SPATA13: variants seen among roughly 807,000 people sequenced by gnomAD.
The protein encoded by SPATA13 is spermatogenesis-associated protein 13.
SPATA13 carries 50 observed loss-of-function variants against 104.0 expected under a neutral mutation model. The observed-to-expected ratio is 0.48, with a 90% CI of 0.38 to 0.61. SPATA13 has a LOEUF of 0.61. SPATA13 is among the 20% of genes least tolerant of loss of function. The pLI is 0.00. For synonymous variants in SPATA13, 606 were observed against 667.5 expected (o/e 0.91, Z 1.42); for missense variants, 1,524 against 1,690.6 (o/e 0.90, Z 1.73).
At chr13:24,064,344 G>A (rs1878877194) in intron 3 of SPATA13, among the ~76,000 whole-genome samples, 1 of 152,190 alleles carries the variant, frequency 6.6e-6, no homozygotes, top group Admixed American at 6.5e-5. Context: ...AAATCAATGG[G>A]AGAGCAGTAA....
chr13:24,230,568 G>A (rs939991627), intron 2 of SPATA13, among the ~76,000 whole-genome samples: 2 of 152,176 alleles, frequency 1.3e-5, no homozygotes, highest in Admixed American at 6.5e-5. Context: ...ACCAGTTCTC[G>A]ACCTTTGCTA....
chr13:24,013,706 CTTTT>C (rs59130588), intron 2 of SPATA13, among the ~76,000 whole-genome samples: 9 of 135,832 alleles, frequency 6.6e-5, no homozygotes, highest in Admixed American at 2.2e-4. Context: ...TTTTTTTCCA[CTTTT>C]TTTTTTTTTT....
intron 1 of SPATA13, among the ~76,000 whole-genome samples, chr13:24,167,070 T>C (rs1210132000): frequency 6.6e-6 from 1 of 152,210 alleles, no homozygotes; most frequent in Non-Finnish European, 1.5e-5. Context: ...ATGATTGGTT[T>C]GGGGTATGAC....
Position 24,093,586 on chromosome 13 carries a change from T to C in SPATA13, c.-112+75885T>C, listed in dbSNP as rs139549931. ...AAATGCTCCATTGAAATCTGATTGG[T>C]TTGTTTCTTCTGTGCTAAATGGACC... On this transcript the variant is annotated intron_variant, in intron 3 of 14. Coordinates refer to the SPATA13 transcript ENST00000424834. Among the ~76,000 whole-genome samples, 430 of 152,250 alleles carry C rather than the reference T, an allele frequency of 2.8e-3. 3 individuals carry two copies. The highest frequency in any genetic ancestry group is 9.5e-3 in the African/African-American group (395 of 41,534).
Position 24,222,871 on chromosome 13 carries a change from G to A in SPATA13, c.-59G>A. 1 of 1,544,346 alleles carries A rather than the reference G, an allele frequency of 6.5e-7. No individual in the cohort carries two copies. The highest frequency in any genetic ancestry group is 8.8e-7 in the Non-Finnish European group (1 of 1,142,518). On this transcript the variant is annotated 5_prime_UTR_variant, in exon 2 of 13. Transcript: ENST00000382108. ...CAAGGCAGGTGTGAGTGCCAGGACG[G>A]CATTCCTGGAGATGAAGGCCTGGAG...
At chr13:24,159,208 A>G (rs1882362919), upstream of SPATA13, among the ~76,000 whole-genome samples, 1 of 152,222 alleles carries the variant, frequency 6.6e-6, no homozygotes, top group Non-Finnish European at 1.5e-5. Flanking sequence ...TATAGAGTAG[A>G]AATAAAATGG....
chr13:24,054,103 GA>G (rs1443874643), intron 3 of SPATA13, among the ~76,000 whole-genome samples: 1 of 152,076 alleles, frequency 6.6e-6, no homozygotes, highest in African/African-American at 2.4e-5. Flanking sequence ...GGGCAGCATG[GA>G]GGAGGAGGTG....
At chr13:24,034,352 C>A (rs1566079992) in intron 3 of SPATA13, 1 of 152,126 alleles carries the variant, frequency 6.6e-6, no homozygotes, top group East Asian at 1.9e-4. Context: ...TGCTCTGGAT[C>A]AAAAATGAGG....
intron 4 of SPATA13, among the ~76,000 whole-genome samples, chr13:24,256,461 A>G (rs1873795177): frequency 6.6e-6 from 1 of 152,234 alleles, no homozygotes; most frequent in Non-Finnish European, 1.5e-5. Flanking sequence ...ATATTGTACA[A>G]TTATTATGTG....
intron 1 of SPATA13, among the ~76,000 whole-genome samples, chr13:24,167,006 G>C (rs1882762126): frequency 6.6e-6 from 1 of 152,206 alleles, no homozygotes; most frequent in Non-Finnish European, 1.5e-5. Context: ...CTGCATGTTT[G>C]AATTACCAGG....
intron 3 of SPATA13, among the ~76,000 whole-genome samples, chr13:24,047,117 A>T (rs9578673): frequency 0.48 from 72,492 of 151,928 alleles, 18,024 homozygotes; most frequent in African/African-American, 0.61. Context: ...GTCCACCTCA[A>T]GGCGGGGTCC....
At chr13:23,988,068 T>G (rs188405801) in intron 2 of SPATA13, among the ~76,000 whole-genome samples, 272 of 152,098 alleles carry the variant, frequency 1.8e-3, no homozygotes, top group Middle Eastern at 3.4e-3. Context: ...CTCAGCCTCC[T>G]GAGTAGCTGG....
intron 3 of SPATA13, among the ~76,000 whole-genome samples, chr13:24,142,110 GT>G (rs35400287): frequency 0.64 from 95,438 of 148,406 alleles, 31,003 homozygotes; most frequent in East Asian, 0.8. Flanking sequence ...GTAGGGAAAG[GT>G]TTTTTTTTTT....
At chr13:24,256,399 T>G (rs1041117955) in intron 4 of SPATA13, among the ~76,000 whole-genome samples, 3 of 152,228 alleles carry the variant, frequency 2.0e-5, no homozygotes, top group African/African-American at 7.2e-5. Context: ...TACCCTGATT[T>G]GCTCATTCCA....
intron 3 of SPATA13, among the ~76,000 whole-genome samples, chr13:24,072,330 G>A (rs1010123496): frequency 1.3e-4 from 20 of 152,164 alleles, no homozygotes; most frequent in Non-Finnish European, 2.6e-4. Context: ...TTTCTACCTG[G>A]ATAAACTCAA....
chr13:23,981,317 T>A (rs533787012), intron 1 of SPATA13, among the ~76,000 whole-genome samples: 3 of 152,360 alleles, frequency 2.0e-5, no homozygotes, highest in African/African-American at 7.2e-5. Context: ...TTAGAGCAGT[T>A]TTTTTGTAGC....
intron 3 of SPATA13, among the ~76,000 whole-genome samples, chr13:24,035,412 C>T (rs915708633): frequency 3.9e-5 from 6 of 152,188 alleles, no homozygotes; most frequent in Non-Finnish European, 7.3e-5. Flanking sequence ...CTCGGCCACC[C>T]GAAGTACTGG....
chr13:24,141,990 A>G (rs1038860102), intron 3 of SPATA13, among the ~76,000 whole-genome samples: 4 of 152,194 alleles, frequency 2.6e-5, no homozygotes, highest in African/African-American at 9.7e-5. Context: ...ACCTTGAAGT[A>G]GACTGCACAG....
rs187742778 is a variant in SPATA13, at chr13:24,280,208, C to T, written c.2165-3927C>T. 6.6e-4 allele frequency among the ~76,000 whole-genome samples: 100 copies of T among 152,270 alleles called. No homozygotes were observed. In the Middle Eastern group the frequency reaches 0.02, roughly 31 times the overall value. ...TTTTGCTAAGTGTTTATGAAGAACTCAGAGAGCAGTCAGTATTTCCAGTCC... is the reference window on the plus strand; with the variant it reads ...TTTTGCTAAGTGTTTATGAAGAACTTAGAGAGCAGTCAGTATTTCCAGTCC... On this transcript the variant is annotated intron_variant, in intron 4 of 12. Transcript: ENST00000382108.
Sources: allele counts gnomAD v4.1 joint callset (sites outside exome capture counted in the v4.1 genomes callset), GRCh38; gene constraint gnomAD v4.1.1; transcripts MANE v1.5; gene names NCBI Gene and HGNC (gene_info 2026-07-23, HGNC 2026-07-21).